The following NUBPL variants were observed in gnomAD, a reference collection of about 807,000 sequenced individuals.
The protein encoded by NUBPL is iron-sulfur cluster transfer protein NUBPL.
NUBPL carries 31 observed loss-of-function variants against 45.7 expected under a neutral mutation model. The observed-to-expected ratio is 0.68, with a 90% CI of 0.51 to 0.92. The LOEUF (loss-of-function observed/expected upper bound fraction) is 0.92, where lower values mean the gene tolerates loss of function less well. Among genes scored for constraint, NUBPL ranks in the 40% least tolerant of loss-of-function variants. The pLI is 0.00. For missense variants in NUBPL, 401 were observed against 398.7 expected (o/e 1.01, Z -0.05); for synonymous variants, 144 against 140.9 (o/e 1.02, Z -0.15).
chr14:31,810,464 T>G (rs1248898006), intron 7 of NUBPL, among the ~76,000 whole-genome samples: 4 of 152,206 alleles, frequency 2.6e-5, no homozygotes, highest in South Asian at 2.1e-4. Context: ...GTTTTCCATT[T>G]GCTTGGTAGA....
intron 6 of NUBPL, among the ~76,000 whole-genome samples, chr14:31,766,707 AC>A (rs1471511498): frequency 1.3e-5 from 2 of 152,186 alleles, no homozygotes; most frequent in African/African-American, 4.8e-5. Context: ...AATCTCTGGT[AC>A]CCCAAAAGCC....
intron 3 of NUBPL, among the ~76,000 whole-genome samples, chr14:31,591,693 A>G: frequency 6.6e-6 from 1 of 152,158 alleles, no homozygotes; most frequent in Non-Finnish European, 1.5e-5. Flanking sequence ...TAGTAATATT[A>G]CTTAATTTTG....
chr14:31,757,690 A>C (rs1461659350), intron 6 of NUBPL, among the ~76,000 whole-genome samples: 2 of 152,158 alleles, frequency 1.3e-5, no homozygotes, highest in Non-Finnish European at 2.9e-5. Context: ...TAAATAGTAC[A>C]TGAGGGTTCA....
chr14:31,841,919 T>TTTTTTTTTG (rs2040377683), intron 8 of NUBPL, among the ~76,000 whole-genome samples: 1 of 87,076 alleles, frequency 1.1e-5, no homozygotes, highest in Non-Finnish European at 2.3e-5. Flanking sequence ...ATTCTGGGCT[T>TTTTTTTTTG]TTTTTTTTTT....
chr14:31,668,889 G>A (rs1377712470), intron 4 of NUBPL, among the ~76,000 whole-genome samples: 3 of 152,020 alleles, frequency 2.0e-5, no homozygotes, highest in Admixed American at 6.6e-5. Flanking sequence ...AACCAGTTCC[G>A]GTGAGATGAA....
intron 4 of NUBPL, among the ~76,000 whole-genome samples, chr14:31,619,844 G>T (rs1023591629): frequency 1.3e-5 from 2 of 152,082 alleles, no homozygotes; most frequent in Admixed American, 6.5e-5. Flanking sequence ...TTGCTCGGTT[G>T]GGGGAGTTCT....
intron 6 of NUBPL, among the ~76,000 whole-genome samples, chr14:31,751,170 C>T (rs2038518811): frequency 6.6e-6 from 1 of 152,136 alleles, no homozygotes; most frequent in African/African-American, 2.4e-5. Context: ...AGAGCTAAAC[C>T]ATATCATTTG....
intron 6 of NUBPL, among the ~76,000 whole-genome samples, chr14:31,760,150 A>T (rs370896955): frequency 0.074 from 488 of 6,562 alleles, 11 homozygotes; most frequent in Middle Eastern, 0.25. Flanking sequence ...TGTGTGAGAG[A>T]GAGAGAGAGA....
At chr14:31,628,114 G>C (rs2035254224) in intron 4 of NUBPL, among the ~76,000 whole-genome samples, 2 of 152,130 alleles carry the variant, frequency 1.3e-5, no homozygotes, top group Non-Finnish European at 2.9e-5. Context: ...ACATGTAGTT[G>C]TAAAAAAGAA....
At chr14:31,850,033 G>C in intron 9 of NUBPL, 86 bp from the exon 10 acceptor site, 2 of 964,770 alleles carry the variant, frequency 2.1e-6, no homozygotes, top group South Asian at 2.7e-5. Context: ...TTCCGATTTT[G>C]TTTCTTTCCA....
chr14:31,662,477 CA>C (rs973231330), intron 4 of NUBPL, among the ~76,000 whole-genome samples: 2 of 152,040 alleles, frequency 1.3e-5, no homozygotes, highest in Admixed American at 1.3e-4. Flanking sequence ...CTCTGCCCCC[CA>C]CCCACCGACA....
chr14:31,629,070 T>C (rs2035278720), intron 4 of NUBPL, among the ~76,000 whole-genome samples: 1 of 152,200 alleles, frequency 6.6e-6, no homozygotes. Context: ...ATAATATCTT[T>C]GTAGAATTAT....
rs557327569 is a variant in NUBPL at position 31,627,732 on chromosome 14, C to A, written c.382+28353C>A. Among the ~76,000 whole-genome samples, 13 of 144,704 alleles carry A rather than the reference C, an allele frequency of 9.0e-5. 1 individual carries two copies. The South Asian group carries it at 2.2e-3, about 24-fold the overall frequency. 94.9% of individuals were successfully genotyped at this position (144,704 alleles called of 152,430 possible). On this transcript the variant is annotated intron_variant, in intron 4 of 10. Transcript: ENST00000281081. Reference sequence around the variant, plus strand: ...AGTGAGCTGAGATCGTGCCACTGCACTCCAGCCTGGGTGACAGAGTGAGAC... The same window carrying A: ...AGTGAGCTGAGATCGTGCCACTGCAATCCAGCCTGGGTGACAGAGTGAGAC...
intron 7 of NUBPL, among the ~76,000 whole-genome samples, chr14:31,825,029 ACT>A (rs1213580464): frequency 6.6e-6 from 1 of 151,914 alleles, no homozygotes; most frequent in Non-Finnish European, 1.5e-5. Flanking sequence ...TTCTCTCAAA[ACT>A]CTGTACAGTA....
At chr14:31,621,682 C>A (rs1020862227) in intron 4 of NUBPL, among the ~76,000 whole-genome samples, 7 of 152,190 alleles carry the variant, frequency 4.6e-5, no homozygotes, top group African/African-American at 1.4e-4. Flanking sequence ...AGAAATCACC[C>A]GCCTTCTGCG....
At chr14:31,741,017 T>A (rs1215360380) in intron 6 of NUBPL, among the ~76,000 whole-genome samples, 1 of 152,218 alleles carries the variant, frequency 6.6e-6, no homozygotes, top group Non-Finnish European at 1.5e-5. Context: ...TTGCACACTG[T>A]TTACTTTGTC....
intron 6 of NUBPL, among the ~76,000 whole-genome samples, chr14:31,770,298 A>C (rs143596294): frequency 6.6e-6 from 1 of 152,106 alleles, no homozygotes; most frequent in Non-Finnish European, 1.5e-5. Flanking sequence ...GTTTTTCAAC[A>C]TAGTTTGGCA....
intron 6 of NUBPL, among the ~76,000 whole-genome samples, chr14:31,730,199 A>G (rs1311277134): frequency 3.3e-5 from 5 of 152,238 alleles, no homozygotes; most frequent in African/African-American, 4.8e-5. Context: ...AGGAATAAGC[A>G]TATTCTCTCA....
At chr14:31,639,182 T>G (rs1196647776) in intron 4 of NUBPL, among the ~76,000 whole-genome samples, 1 of 152,136 alleles carries the variant, frequency 6.6e-6, no homozygotes, top group African/African-American at 2.4e-5. Context: ...GAGTTTCCAG[T>G]TTTTCTGCTC....
Sources: allele counts gnomAD v4.1 joint callset (sites outside exome capture counted in the v4.1 genomes callset), GRCh38; gene constraint gnomAD v4.1.1; transcripts MANE v1.5; gene names NCBI Gene and HGNC (gene_info 2026-07-23, HGNC 2026-07-21).